Variants in KIT observed in about 807,000 individuals in gnomAD.
The protein encoded by KIT is mast/stem cell growth factor receptor Kit.
Under a neutral mutation model 105.7 loss-of-function variants are expected in KIT, and 16 were observed. That is an observed-to-expected ratio of 0.15 (90% CI 0.10 to 0.23). The LOEUF (loss-of-function observed/expected upper bound fraction) is 0.23. KIT is among the 10% of genes least tolerant of loss of function. KIT has a pLI of 1.00. For synonymous variants in KIT, 438 were observed against 441.1 expected, an observed-to-expected ratio of 0.99 and a Z score of 0.09; for missense variants, 858 against 1,213.8, an observed-to-expected ratio of 0.71 and a Z score of 4.36.
rs2109672512 is a variant in KIT at position 54,698,360 on chromosome 4, C to T, written c.414C>T (p.Leu138=). 6.2e-7 allele frequency: 1 copy of T among 1,614,162 alleles called. No homozygotes were observed. ...EDNDTLVRCP[L]TDPEVTNYSL... ...ACGACACGCTGGTCCGCTGTCCTCT[C>T]ACAGACCCAGAAGTGACCAATTATT... The change falls in exon 3 of 21, where the codon CTC becomes CTT. Residue 138 remains leucine (L), a synonymous_variant. Transcript: ENST00000288135.
chr4:54,670,821 G>A (rs1718052579), intron 1 of KIT, among the ~76,000 whole-genome samples: 1 of 152,198 alleles, frequency 6.6e-6, no homozygotes, highest in Non-Finnish European at 1.5e-5. Context: ...GAATTGTACA[G>A]AGCGGGCTTG....
chr4:54,690,033 T>A (rs968799104), intron 1 of KIT, among the ~76,000 whole-genome samples: 1 of 147,326 alleles, frequency 6.8e-6, no homozygotes, highest in Non-Finnish European at 1.5e-5. Context: ...ATGTGTGGCA[T>A]GTATAGAATG....
intron 1 of KIT, among the ~76,000 whole-genome samples, chr4:54,688,391 C>T (rs1006658194): frequency 2.0e-5 from 3 of 152,048 alleles, no homozygotes; most frequent in African/African-American, 7.2e-5. Context: ...CTGCCCCAGT[C>T]ACAGTTCTTC....
intron 7 of KIT, among the ~76,000 whole-genome samples, chr4:54,718,443 T>TA (rs977671778): frequency 1.3e-5 from 2 of 152,186 alleles, no homozygotes; most frequent in Admixed American, 1.3e-4. Flanking sequence ...TGATTAGTTT[T>TA]AAAAAATCAG....
intron 17 of KIT, among the ~76,000 whole-genome samples, chr4:54,733,910 C>A (rs1171318960): frequency 6.6e-6 from 1 of 152,160 alleles, no homozygotes; most frequent in Non-Finnish European, 1.5e-5. Context: ...TTATAATATT[C>A]TCTGCCTGTC....
At chr4:54,675,493 A>C (rs966140655) in intron 1 of KIT, among the ~76,000 whole-genome samples, 1 of 152,266 alleles carries the variant, frequency 6.6e-6, no homozygotes, top group African/African-American at 2.4e-5. Context: ...CAAATTGACC[A>C]GCAAGCGTTC....
At chr4:54,697,399 G>A (rs930171759) in intron 2 of KIT, among the ~76,000 whole-genome samples, 2 of 152,134 alleles carry the variant, frequency 1.3e-5, no homozygotes, top group Non-Finnish European at 2.9e-5. Flanking sequence ...GTAATCTGTG[G>A]GCCTAAACAT....
At chr4:54,697,034 C>A (rs559378693) in intron 2 of KIT, among the ~76,000 whole-genome samples, 4 of 152,336 alleles carry the variant, frequency 2.6e-5, no homozygotes, top group African/African-American at 9.6e-5. Flanking sequence ...TCTTCTGTAT[C>A]TTGGAACTAT....
chr4:54,699,848 A>G, intron 4 of KIT, 82 bp downstream of exon 4: 1 of 1,503,100 alleles, frequency 6.7e-7, no homozygotes, highest in Non-Finnish European at 9.2e-7. Flanking sequence ...TCTGTCCTGA[A>G]ACTGCCTCGA....
At chr4:54,667,053 T>C (rs1577912303) in intron 1 of KIT, among the ~76,000 whole-genome samples, 1 of 152,232 alleles carries the variant, frequency 6.6e-6, no homozygotes, top group East Asian at 1.9e-4. Context: ...TAATCTATCA[T>C]TTAGCCCTAC....
chr4:54,707,420 A>G lies in KIT; in HGVS notation c.1115+133A>G, dbSNP rs534162919. 2.7e-5 allele frequency: 19 copies of G among 696,860 alleles called. No homozygotes were observed. The East Asian group carries it at 3.0e-4, about 11-fold the overall frequency. 43.2% of individuals were successfully genotyped at this position (696,860 alleles called of 1,614,324 possible). On this transcript the variant is annotated intron_variant, in intron 6 of 20. Transcript: ENST00000288135. ...AGAAGAAAGTCTGGGGCTGCCTCCT[A>G]TGTCCTCATCCTAGTATTCCATTTT...
At chr4:54,707,850 C>T (rs2109707827) in intron 6 of KIT, among the ~76,000 whole-genome samples, 1 of 152,064 alleles carries the variant, frequency 6.6e-6, no homozygotes, top group East Asian at 1.9e-4. Context: ...GCCTCACAGA[C>T]TTTGTGAGTA....
intron 1 of KIT, among the ~76,000 whole-genome samples, chr4:54,683,512 A>T (rs1320687247): frequency 6.6e-6 from 1 of 152,182 alleles, no homozygotes; most frequent in East Asian, 1.9e-4. Context: ...AACCCCCAAA[A>T]CCCAAGTGTA....
chr4:54,734,972 G>A (rs1722838465), intron 17 of KIT, among the ~76,000 whole-genome samples: 1 of 152,114 alleles, frequency 6.6e-6, no homozygotes, highest in African/African-American at 2.4e-5. Context: ...TTAGGTTGGT[G>A]TAAAAGTAAT....
chr4:54,673,059 A>C (rs1056028698), intron 1 of KIT, among the ~76,000 whole-genome samples: 5 of 152,208 alleles, frequency 3.3e-5, no homozygotes, highest in Admixed American at 6.5e-5. Flanking sequence ...GTTTGCCTAG[A>C]TACCCAAAGG....
intron 1 of KIT, among the ~76,000 whole-genome samples, chr4:54,666,116 G>A (rs1443730046): frequency 6.6e-6 from 1 of 152,168 alleles, no homozygotes; most frequent in African/African-American, 2.4e-5. Context: ...GCAACTTAAA[G>A]AAATTGGATT....
intron 7 of KIT, among the ~76,000 whole-genome samples, chr4:54,714,902 G>C (rs1001385932): frequency 6.6e-6 from 1 of 152,132 alleles, no homozygotes; most frequent in Non-Finnish European, 1.5e-5. Flanking sequence ...GCCTTACATA[G>C]GATGCCTTTA....
At chr4:54,734,872 A>G (rs1443826936) in intron 17 of KIT, among the ~76,000 whole-genome samples, 1 of 151,692 alleles carries the variant, frequency 6.6e-6, no homozygotes, top group Non-Finnish European at 1.5e-5. Context: ...AATACCAAGG[A>G]AAACAGTTAA....
At chr4:54,661,687 T>G (rs912090868) in intron 1 of KIT, among the ~76,000 whole-genome samples, 1 of 152,248 alleles carries the variant, frequency 6.6e-6, no homozygotes, top group African/African-American at 2.4e-5. Flanking sequence ...TATGCAAATT[T>G]CATGTGCAGT....
Sources: allele counts gnomAD v4.1 joint callset (sites outside exome capture counted in the v4.1 genomes callset), GRCh38; gene constraint gnomAD v4.1.1; transcripts MANE v1.5; gene names NCBI Gene and HGNC (gene_info 2026-07-23, HGNC 2026-07-21).